The following LRRC4C variants were observed in gnomAD, a reference collection of about 807,000 sequenced individuals.
The protein encoded by LRRC4C is leucine rich repeat containing 4C.
In LRRC4C, 5 loss-of-function variants were observed where a neutral mutation model predicts 33.6. The observed-to-expected ratio is 0.15, with a 90% CI of 0.08 to 0.31. LRRC4C has a LOEUF of 0.31. Ranked by LOEUF, LRRC4C falls within the 10% of genes least tolerant of loss-of-function variation. The probability of loss-of-function intolerance (pLI) is 1.00; values close to 1 mark genes in which losing one functional copy is unlikely to be tolerated. For missense variants in LRRC4C, 560 were observed against 796.7 expected (o/e 0.70, Z 3.58); for synonymous variants, 329 against 302.0 (o/e 1.09, Z -0.93).
At chr11:41,132,850 G>A (rs1943079437) in intron 1 of LRRC4C, among the ~76,000 whole-genome samples, 1 of 152,068 alleles carries the variant, frequency 6.6e-6, no homozygotes, top group East Asian at 1.9e-4. Flanking sequence ...CAGAACCATG[G>A]TGCAAATCAC....
chr11:41,100,228 A>T (rs796465027), intron 1 of LRRC4C, among the ~76,000 whole-genome samples: 1 of 152,302 alleles, frequency 6.6e-6, no homozygotes, highest in African/African-American at 2.4e-5. Flanking sequence ...TGATGCAAAC[A>T]AATGGAAAAA....
intron 1 of LRRC4C, among the ~76,000 whole-genome samples, chr11:41,139,339 G>A (rs1943404316): frequency 6.6e-6 from 1 of 152,114 alleles, no homozygotes; most frequent in African/African-American, 2.4e-5. Context: ...TACTTGCTCA[G>A]ATCTGTAACC....
At chr11:40,696,772 A>ATATC (rs1555147712) in intron 2 of LRRC4C, among the ~76,000 whole-genome samples, 1,999 of 146,122 alleles carry the variant, frequency 0.014, 55 homozygotes, top group African/African-American at 0.048. Flanking sequence ...ATATATATAT[A>ATATC]TATCTGAGTA....
chr11:40,596,710 A>C (rs1420285922), intron 3 of LRRC4C, among the ~76,000 whole-genome samples: 2 of 152,132 alleles, frequency 1.3e-5, no homozygotes, highest in East Asian at 3.9e-4. Flanking sequence ...GATCATGTGA[A>C]ATTTGTCCTT....
intron 3 of LRRC4C, among the ~76,000 whole-genome samples, chr11:40,638,074 T>C (rs1190292052): frequency 2.6e-5 from 4 of 152,214 alleles, no homozygotes; most frequent in Non-Finnish European, 5.9e-5. Context: ...TCCCTGACTG[T>C]CATTTAAAAT....
At chr11:40,696,748 G>GTGTAAA (rs368234307) in intron 2 of LRRC4C, among the ~76,000 whole-genome samples, 2 of 125,896 alleles carry the variant, frequency 1.6e-5, no homozygotes, top group East Asian at 4.7e-4. Context: ...TATACACTGT[G>GTGTAAA]TATATATATA....
intron 6 of LRRC4C, among the ~76,000 whole-genome samples, chr11:40,120,708 G>T (rs1855762540): frequency 6.6e-6 from 1 of 152,010 alleles, no homozygotes; most frequent in Non-Finnish European, 1.5e-5. Flanking sequence ...AGAAATAACT[G>T]GTTGACTGGA....
chr11:41,316,076 C>A (rs1395579075), intron 1 of LRRC4C, among the ~76,000 whole-genome samples: 1 of 151,952 alleles, frequency 6.6e-6, no homozygotes, highest in Admixed American at 6.6e-5. Flanking sequence ...GGCCAGTGAA[C>A]CTCATGTCCA....
chr11:40,251,583 C>T (rs575035957), intron 4 of LRRC4C, among the ~76,000 whole-genome samples: 15 of 152,206 alleles, frequency 9.9e-5, no homozygotes, highest in Admixed American at 4.6e-4. Context: ...ATTAGTAGAA[C>T]GGTTCAATTC....
intron 3 of LRRC4C, among the ~76,000 whole-genome samples, chr11:40,572,698 AG>A (rs1438846949): frequency 1.3e-5 from 2 of 152,190 alleles, no homozygotes; most frequent in African/African-American, 4.8e-5. Context: ...CCTCTTCCAC[AG>A]AGAGTTAGGA....
At chr11:40,212,555 T>C (rs899961218) in intron 5 of LRRC4C, among the ~76,000 whole-genome samples, 2 of 152,046 alleles carry the variant, frequency 1.3e-5, no homozygotes, top group Admixed American at 6.6e-5. Context: ...TCTTCCAATA[T>C]GTACAAAGAG....
chr11:41,170,016 T>C (rs1203437009), intron 1 of LRRC4C, among the ~76,000 whole-genome samples: 3 of 152,144 alleles, frequency 2.0e-5, no homozygotes, highest in Non-Finnish European at 4.4e-5. Flanking sequence ...GTATAATTGT[T>C]GAAACAATGT....
chr11:40,154,287 C>CA (rs60017606), intron 5 of LRRC4C, among the ~76,000 whole-genome samples: 3,091 of 114,056 alleles, frequency 0.027, 92 homozygotes, highest in African/African-American at 0.087. Context: ...AGCTAAAAAG[C>CA]AAAAAAAAAA....
intron 4 of LRRC4C, among the ~76,000 whole-genome samples, chr11:40,305,695 A>G (rs1944995971): frequency 6.6e-6 from 1 of 152,020 alleles, no homozygotes; most frequent in Non-Finnish European, 1.5e-5. Context: ...TCTTAAGCCC[A>G]ACACCAGAAG....
chr11:40,300,894 C>T (rs921922673), intron 4 of LRRC4C, among the ~76,000 whole-genome samples: 10 of 152,176 alleles, frequency 6.6e-5, no homozygotes, highest in Admixed American at 1.3e-4. Context: ...CTGGAACTCC[C>T]GGGCTCAAGC....
At chr11:40,294,581 C>T (rs545590556) in intron 4 of LRRC4C, among the ~76,000 whole-genome samples, 1 of 152,082 alleles carries the variant, frequency 6.6e-6, no homozygotes, top group Non-Finnish European at 1.5e-5. Context: ...GTAATCCCAG[C>T]CCTTTGGGAG....
intron 1 of LRRC4C, among the ~76,000 whole-genome samples, chr11:41,294,569 G>A (rs911896091): frequency 6.6e-6 from 1 of 152,162 alleles, no homozygotes; most frequent in Non-Finnish European, 1.5e-5. Flanking sequence ...TTATGAGAAT[G>A]TATAATGCAC....
intron 2 of LRRC4C, among the ~76,000 whole-genome samples, chr11:40,782,914 GTATGTGTGTGTA>G (rs989842519): frequency 2.0e-5 from 3 of 152,062 alleles, no homozygotes; most frequent in Non-Finnish European, 2.9e-5. Context: ...GTGTATGTAT[GTATGTGTGTGTA>G]TATGTGTGTG....
chr11:40,571,024 A>G (rs893164486), intron 3 of LRRC4C, among the ~76,000 whole-genome samples: 4 of 152,144 alleles, frequency 2.6e-5, no homozygotes, highest in South Asian at 2.1e-4. Flanking sequence ...AACTATCAAT[A>G]TAAGTTCTGA....
Sources: allele counts gnomAD v4.1 joint callset (sites outside exome capture counted in the v4.1 genomes callset), GRCh38; gene constraint gnomAD v4.1.1; transcripts MANE v1.5; gene names NCBI Gene and HGNC (gene_info 2026-07-23, HGNC 2026-07-21).